Variants in OSBPL6 observed in about 807,000 individuals in gnomAD.
OSBPL6 encodes oxysterol binding protein like 6.
OSBPL6 carries 49 observed loss-of-function variants against 125.8 expected under a neutral mutation model. That is an observed-to-expected ratio of 0.39 (90% confidence interval 0.31 to 0.49). The LOEUF is 0.49. OSBPL6 is among the 20% of genes least tolerant of loss of function. The pLI is 0.88. For synonymous variants in OSBPL6, 394 were observed against 391.8 expected, an observed-to-expected ratio of 1.01 and a Z score of -0.07; for missense variants, 986 against 1,135.4, an observed-to-expected ratio of 0.87 and a Z score of 1.89.
intron 12 of OSBPL6, among the ~76,000 whole-genome samples, chr2:178,357,368 C>T (rs1162641715): frequency 3.3e-5 from 5 of 152,134 alleles, no homozygotes; most frequent in Admixed American, 6.5e-5. Flanking sequence ...TCAGAATCTA[C>T]GAAGAACTCA....
At position 178,382,681 on chromosome 2, in the gene OSBPL6, A is replaced by T. The variant is rs1466240913; in HGVS notation, c.1621+174A>T. 6.2e-6 allele frequency: 9 copies of T among 1,458,868 alleles called. No individual in the cohort carries two copies. In the Admixed American group the frequency reaches 1.9e-4, roughly 32 times the overall value. The allele number at this position is 1,458,868 out of a possible 1,614,324, so 90.4% of individuals were successfully genotyped here. On this transcript the variant is annotated intron_variant, in intron 16 of 24. Coordinates refer to ENST00000190611, the MANE Select transcript of OSBPL6 (RefSeq NM_032523.4). ...TATGATCTCTTGAGGTAAATGGTTG[A>T]AAAAATCTGTTAGGTAAATAGTTAA...
At chr2:178,363,563 T>A (rs1254370356) in intron 13 of OSBPL6, among the ~76,000 whole-genome samples, 1 of 152,050 alleles carries the variant, frequency 6.6e-6, no homozygotes, top group Non-Finnish European at 1.5e-5. Context: ...GATCCCTGAG[T>A]TGAGAGCAGA....
At chr2:178,276,842 T>C (rs999776421) in intron 1 of OSBPL6, among the ~76,000 whole-genome samples, 1 of 151,374 alleles carries the variant, frequency 6.6e-6, no homozygotes, top group Admixed American at 6.6e-5. Context: ...TTCATCAGAG[T>C]TATGTGCATT....
At chr2:178,227,311 G>A (rs1046766304) in intron 1 of OSBPL6, among the ~76,000 whole-genome samples, 1 of 152,176 alleles carries the variant, frequency 6.6e-6, no homozygotes, top group African/African-American at 2.4e-5. Context: ...TTAATATCTA[G>A]AGCTAGGGCA....
intron 23 of OSBPL6, among the ~76,000 whole-genome samples, chr2:178,393,649 C>A (rs1429649719): frequency 3.9e-5 from 6 of 152,150 alleles, no homozygotes; most frequent in African/African-American, 1.4e-4. Context: ...ATATTATATT[C>A]CTGTTCTTTG....
intron 1 of OSBPL6, among the ~76,000 whole-genome samples, chr2:178,196,158 G>A (rs1370925698): frequency 6.6e-6 from 1 of 152,186 alleles, no homozygotes; most frequent in African/African-American, 2.4e-5. Context: ...CTGAGAGTTA[G>A]CAGGGTTCCC....
intron 2 of OSBPL6, among the ~76,000 whole-genome samples, chr2:178,288,902 G>T (rs1684966472): frequency 6.6e-6 from 1 of 151,744 alleles, no homozygotes; most frequent in Non-Finnish European, 1.5e-5. Flanking sequence ...CACCCGCCTT[G>T]GCCTCCTGAA....
chr2:178,221,827 G>C (rs748712291), intron 1 of OSBPL6, among the ~76,000 whole-genome samples: 1 of 152,210 alleles, frequency 6.6e-6, no homozygotes, highest in Non-Finnish European at 1.5e-5. Flanking sequence ...TACCTGGCAG[G>C]CAGGTATAAA....
rs1481226098 is a variant in OSBPL6 at position 178,332,923 on chromosome 2, G to T, written c.539G>T (p.Arg180Leu). The change falls in exon 8 of 25, where the codon CGG becomes CTG. Residue 180 changes from arginine (R) to leucine (L), a missense_variant. Physicochemically the swap from Arg to Leu is moderately radical, Grantham distance 102. This residue lies in a region of OSBPL6 where 843 missense variants were observed against 997.3 expected (regional missense o/e 0.85). Transcript: ENST00000190611. The part of the protein sequence containing the change: ...DAWVSKLRHH[R>L]LYRQNEIVRS... ...TGGGTCTCCAAACTGCGACATCATCGGTTGTATCGTCAGAATGAAATTGTG... is the reference window on the plus strand; with the variant it reads ...TGGGTCTCCAAACTGCGACATCATCTGTTGTATCGTCAGAATGAAATTGTG... 3 of 1,614,014 alleles carry T rather than the reference G, an allele frequency of 1.9e-6. No homozygotes were observed. Among genetic ancestry groups the T allele is most frequent in the Admixed American group, 1.7e-5 (1 of 60,014 alleles).
intron 15 of OSBPL6, among the ~76,000 whole-genome samples, chr2:178,379,088 C>G (rs1694162918): frequency 6.6e-6 from 1 of 151,864 alleles, no homozygotes; most frequent in Non-Finnish European, 1.5e-5. Context: ...GGGAGGATCC[C>G]TTGAGCCCAG....
chr2:178,361,593 T>C, intron 12 of OSBPL6, 89 bp from the exon 13 acceptor site: 1 of 1,501,940 alleles, frequency 6.7e-7, no homozygotes, highest in Non-Finnish European at 9.1e-7. Context: ...AAATGCCTAT[T>C]TGTGAGTGAA....
At chr2:178,349,176 G>GA (rs1487523242) in intron 11 of OSBPL6, 48 bp from the exon 12 acceptor site, 9 of 1,578,140 alleles carry the variant, frequency 5.7e-6, no homozygotes, top group Non-Finnish European at 6.1e-6. Flanking sequence ...AGGAGAATGT[G>GA]AAACAATGCA....
At chr2:178,195,426 G>A (rs1406563953) in intron 1 of OSBPL6, among the ~76,000 whole-genome samples, 1 of 152,230 alleles carries the variant, frequency 6.6e-6, no homozygotes, top group Non-Finnish European at 1.5e-5. Context: ...CGGGGATGCT[G>A]GGGGAGGAGG....
chr2:178,265,082 A>T (rs1050106105), intron 1 of OSBPL6, among the ~76,000 whole-genome samples: 1 of 136,104 alleles, frequency 7.3e-6, no homozygotes, highest in East Asian at 2.4e-4. Context: ...CTCTGTTGCT[A>T]TGTTGTACTG....
chr2:178,383,007 G>A lies in OSBPL6; in HGVS notation c.1622-17G>A, dbSNP rs1694619704. 2 of 1,613,282 alleles carry A rather than the reference G, an allele frequency of 1.2e-6. No individual in the cohort carries two copies. Among genetic ancestry groups the A allele is most frequent in the Non-Finnish European group, 1.7e-6 (2 of 1,179,716 alleles). ...AGAACAGCAAAGTGTCCTTCACTGT[G>A]ACTCTCCTTCTTCCAGTCCTGAATG... is the stretch of plus-strand genomic sequence containing the variant. On this transcript the variant is annotated splice_polypyrimidine_tract_variant and intron_variant, in intron 16 of 24. Coordinates refer to ENST00000190611, the MANE Select transcript of OSBPL6 (RefSeq NM_032523.4).
intron 12 of OSBPL6, among the ~76,000 whole-genome samples, chr2:178,354,238 A>G (rs1282467280): frequency 3.3e-5 from 5 of 152,248 alleles, no homozygotes; most frequent in Admixed American, 6.5e-5. Context: ...ACATAAGAAT[A>G]TTAACTTTAA....
chr2:178,318,675 G>A (rs750884163), intron 3 of OSBPL6, among the ~76,000 whole-genome samples: 22 of 152,126 alleles, frequency 1.4e-4, no homozygotes, highest in Non-Finnish European at 2.4e-4. Context: ...CTCAACTCAC[G>A]TTGACAGCTC....
intron 13 of OSBPL6, among the ~76,000 whole-genome samples, chr2:178,371,007 G>A (rs947231648): frequency 2.0e-5 from 3 of 152,186 alleles, no homozygotes; most frequent in Non-Finnish European, 4.4e-5. Flanking sequence ...GTACAGAGTT[G>A]TAATTATGAG....
intron 15 of OSBPL6, among the ~76,000 whole-genome samples, chr2:178,379,298 A>G (rs1694202841): frequency 7.3e-6 from 1 of 137,610 alleles, no homozygotes; most frequent in South Asian, 2.6e-4. Flanking sequence ...GAAAGAAAGA[A>G]GAAAGAAAGA....
Sources: allele counts gnomAD v4.1 joint callset (sites outside exome capture counted in the v4.1 genomes callset), GRCh38; gene constraint gnomAD v4.1.1; regional missense constraint gnomAD v4.1.1; transcripts MANE v1.5; gene names NCBI Gene and HGNC (gene_info 2026-07-23, HGNC 2026-07-21).